CACNA1D: variants seen among roughly 807,000 people sequenced by gnomAD.
The protein encoded by CACNA1D is voltage-dependent L-type calcium channel subunit alpha-1D.
Under a neutral mutation model 257.1 loss-of-function variants are expected in CACNA1D, and 55 were observed. The observed-to-expected ratio is 0.21, with a 90% CI of 0.17 to 0.27. The LOEUF is 0.27. CACNA1D is among the 10% of genes least tolerant of loss of function. The pLI, the probability that CACNA1D is intolerant of heterozygous loss-of-function variation, is 1.00. For synonymous variants in CACNA1D, 980 were observed against 1,014.9 expected, an observed-to-expected ratio of 0.97 and a Z score of 0.65; for missense variants, 1,876 against 2,784.0, an observed-to-expected ratio of 0.67 and a Z score of 7.34.
chr3:53,745,472 C>G (rs1357587410), intron 23 of CACNA1D, 152 bp from the exon 24 acceptor site: 1 of 614,978 alleles, frequency 1.6e-6, no homozygotes, highest in Non-Finnish European at 3.0e-6. Flanking sequence ...AACTCCTGAC[C>G]TCAAGTGATC....
rs1227844477 is a variant in CACNA1D at position 53,495,032 on chromosome 3, A to T, written c.-135A>T. On this transcript the variant is annotated 5_prime_UTR_variant, in exon 1 of 48. Transcript: ENST00000350061. The surrounding 1 kb of genome is among the most constrained non-coding windows in gnomAD (Gnocchi z 5.1). ...CTGTTATTTGTCCCCGTCCCTCCCC[A>T]CCCCCCTGCTGAAGCGAGAATAAGG... 2 of 266,636 alleles carry T rather than the reference A, an allele frequency of 7.5e-6. No individual in the cohort carries two copies. The highest frequency in any genetic ancestry group is 2.9e-5 in the South Asian group (1 of 34,746). 16.5% of individuals were successfully genotyped at this position (266,636 alleles called of 1,614,324 possible).
intron 3 of CACNA1D, among the ~76,000 whole-genome samples, chr3:53,593,329 C>G (rs910720808): frequency 6.6e-6 from 1 of 152,132 alleles, no homozygotes; most frequent in Non-Finnish European, 1.5e-5. Context: ...CCAGTTTTAG[C>G]CAGCTTGTCT....
intron 9 of CACNA1D, among the ~76,000 whole-genome samples, chr3:53,707,756 T>C (rs1576416659): frequency 6.6e-6 from 1 of 152,012 alleles, no homozygotes; most frequent in African/African-American, 2.4e-5. Flanking sequence ...AAGCCTAAAA[T>C]TCTATTTTAA....
chr3:53,648,871 A>G (rs1339338205), intron 3 of CACNA1D, among the ~76,000 whole-genome samples: 1 of 150,534 alleles, frequency 6.6e-6, no homozygotes, highest in Non-Finnish European at 1.5e-5. Context: ...CAATTCGTTC[A>G]CTAGACTGTT....
At chr3:53,739,840 T>C (rs1036346159) in intron 20 of CACNA1D, among the ~76,000 whole-genome samples, 1 of 152,226 alleles carries the variant, frequency 6.6e-6, no homozygotes, top group African/African-American at 2.4e-5. Context: ...CCATCTTCAT[T>C]TATGCTTCTC....
chr3:53,540,328 G>T (rs2092264312), intron 3 of CACNA1D, among the ~76,000 whole-genome samples: 1 of 148,838 alleles, frequency 6.7e-6, no homozygotes, highest in Admixed American at 6.7e-5. Flanking sequence ...GTTTCACCAT[G>T]TTGGCCAGCC....
At chr3:53,509,361 G>A (rs553301222) in intron 3 of CACNA1D, among the ~76,000 whole-genome samples, 1 of 152,204 alleles carries the variant, frequency 6.6e-6, no homozygotes, top group African/African-American at 2.4e-5. Flanking sequence ...GTGGAGGTGG[G>A]CATTGTTGAC....
chr3:53,642,111 G>A (rs548661220), intron 3 of CACNA1D, among the ~76,000 whole-genome samples: 9 of 152,304 alleles, frequency 5.9e-5, no homozygotes, highest in African/African-American at 2.2e-4. Context: ...TTTGACTTCA[G>A]GCTCAACTTG....
At chr3:53,541,826 C>T (rs1458383073) in intron 3 of CACNA1D, among the ~76,000 whole-genome samples, 1 of 152,042 alleles carries the variant, frequency 6.6e-6, no homozygotes, top group Non-Finnish European at 1.5e-5. Flanking sequence ...ATTTGTATAA[C>T]GGTCTTTTAC....
At chr3:53,606,417 T>G (rs546796741) in intron 3 of CACNA1D, among the ~76,000 whole-genome samples, 1 of 152,338 alleles carries the variant, frequency 6.6e-6, no homozygotes, top group East Asian at 1.9e-4. Context: ...TGAATTACCT[T>G]CAATTATGGT....
intron 3 of CACNA1D, among the ~76,000 whole-genome samples, chr3:53,514,070 C>G (rs574816456): frequency 1.3e-5 from 2 of 152,216 alleles, no homozygotes; most frequent in Admixed American, 1.3e-4. Flanking sequence ...ACTGTAATCT[C>G]CTCTAATTCC....
intron 8 of CACNA1D, among the ~76,000 whole-genome samples, chr3:53,681,592 T>A (rs552827228): frequency 1.3e-5 from 2 of 152,124 alleles, no homozygotes; most frequent in Admixed American, 1.3e-4. Context: ...AGTGGTGGGA[T>A]GTAGGCACCA....
At position 53,786,885 on chromosome 3, in the gene CACNA1D, T is replaced by C; in HGVS notation, c.4856T>C (p.Phe1619Ser). 4 of 1,613,924 alleles carry C rather than the reference T, an allele frequency of 2.5e-6. No individual in the cohort carries two copies. The highest frequency in any genetic ancestry group is 3.4e-6 in the Non-Finnish European group (4 of 1,179,816). The stretch of plus-strand genomic sequence containing the variant: ...CTGATACAGGACTACTTTAGGAAAT[T>C]CAAGAAACGGAAAGAACAAGGACTG... ...TFLIQDYFRK[F>S]KKRKEQGLVG... The change falls in exon 40 of 48, where the codon TTC becomes TCC. Residue 1619 changes from phenylalanine to serine, a missense_variant. Around this residue, in one of 10 missense-constraint regions of CACNA1D, gnomAD observed 160 missense variants for 236.6 expected, o/e 0.68. Transcript: ENST00000350061.
Position 53,813,178 on chromosome 3 carries a change from T to TGAA in CACNA1D, c.*1775_*1777dup, listed in dbSNP as rs1346913194. 1.6e-4 allele frequency: 24 copies of TGAA among 148,200 alleles called. No individual in the cohort carries two copies. Among genetic ancestry groups the TGAA allele is most frequent in the Non-Finnish European group, 8.9e-5 (6 of 67,524 alleles). 9.2% of individuals were successfully genotyped at this position (148,200 alleles called of 1,614,324 possible). On this transcript the variant is annotated 3_prime_UTR_variant, in exon 48 of 48. Transcript: ENST00000350061. ...GTAAATAACAAACACCACTTTGTTA[T>TGAA]GAAGACCTTACAAACCTCTTCTTAA...
At chr3:53,691,885 A>G (rs546369538) in intron 8 of CACNA1D, among the ~76,000 whole-genome samples, 1 of 97,876 alleles carries the variant, frequency 1.0e-5, no homozygotes, top group Non-Finnish European at 2.0e-5. Context: ...CATATAATAT[A>G]TATTATATAT....
At chr3:53,781,866 A>T (rs1001366270) in intron 39 of CACNA1D, 199 bp downstream of exon 39, 9 of 590,430 alleles carry the variant, frequency 1.5e-5, no homozygotes, top group Admixed American at 8.7e-5. Context: ...GACAAAGGAG[A>T]GGCTTCAGTG....
intron 19 of CACNA1D, among the ~76,000 whole-genome samples, chr3:53,734,480 A>T (rs1576498982): frequency 6.6e-6 from 1 of 152,110 alleles, no homozygotes; most frequent in East Asian, 1.9e-4. Flanking sequence ...ATATGTACAT[A>T]TACATACATA....
chr3:53,728,086 CA>C (rs2094953595), intron 15 of CACNA1D, among the ~76,000 whole-genome samples: 2 of 152,026 alleles, frequency 1.3e-5, no homozygotes, highest in Non-Finnish European at 2.9e-5. Flanking sequence ...AGATTTTATC[CA>C]CGTCTCTTAC....
chr3:53,507,085 A>AC (rs1559764093), intron 3 of CACNA1D, among the ~76,000 whole-genome samples: 1 of 150,998 alleles, frequency 6.6e-6, no homozygotes, highest in Non-Finnish European at 1.5e-5. Flanking sequence ...AAAAAAAAAA[A>AC]AAAAAAAACA....
Sources: allele counts gnomAD v4.1 joint callset (sites outside exome capture counted in the v4.1 genomes callset), GRCh38; gene constraint gnomAD v4.1.1; regional missense constraint gnomAD v4.1.1; non-coding constraint Gnocchi (gnomAD v3.1); transcripts MANE v1.5; gene names NCBI Gene and HGNC (gene_info 2026-07-23, HGNC 2026-07-21).